The following CPZ variants were observed in gnomAD, a reference collection of about 807,000 sequenced individuals.
The protein encoded by CPZ is carboxypeptidase Z.
In CPZ, 103 loss-of-function variants were observed where a neutral mutation model predicts 61.8. The observed-to-expected ratio is 1.67, with a 90% CI of 1.42 to 1.96. The LOEUF (loss-of-function observed/expected upper bound fraction) is 1.96. CPZ is among the 30% of genes most tolerant of loss of function. The pLI is 0.00. For synonymous variants in CPZ, 551 were observed against 373.7 expected (o/e 1.47, Z -5.47); for missense variants, 1,461 against 914.9 (o/e 1.60, Z -7.70).
At chr4:8,599,533 G>T in intron 2 of CPZ, 48 bp downstream of exon 2, 1 of 1,609,030 alleles carries the variant, frequency 6.2e-7, no homozygotes, top group Non-Finnish European at 8.5e-7. Context: ...GAGGGCTGCA[G>T]CCCCCACACT....
At chr4:8,616,136 C>T (rs115595976) in intron 9 of CPZ, among the ~76,000 whole-genome samples, 2,641 of 152,322 alleles carry the variant, frequency 0.017, 89 homozygotes, top group African/African-American at 0.059. Flanking sequence ...GGCTGGGCAG[C>T]TCGCTGGCTG....
Position 8,612,153 on chromosome 4 carries a change from T to A in CPZ, c.1354T>A (p.Phe452Ile). 6.9e-7 allele frequency: 1 copy of A among 1,440,248 alleles called. No homozygotes were observed. The highest frequency in any genetic ancestry group is 1.5e-5 in the African/African-American group (1 of 66,872). 89.2% of individuals were successfully genotyped at this position (1,440,248 alleles called of 1,614,324 possible). The change falls in exon 8 of 11, where the codon TTC becomes ATC. Residue 452 changes from phenylalanine (F) to isoleucine (I), a missense_variant. Phe to Ile is a conservative substitution (Grantham distance 21). Transcript: ENST00000360986. Reference protein sequence around the residue: ...SIINGADWYSFTGGMSDFNYL... With the variant: ...SIINGADWYSITGGMSDFNYL... ...CATCAACGGGGCGGACTGGTACAGC[T>A]TCACGGGAGGTGCGGCTTCCGCAGG... is the stretch of plus-strand genomic sequence containing the variant.
chr4:8,608,135 T>TCCAGCCTCCAGCCC (rs1553877376), intron 7 of CPZ, among the ~76,000 whole-genome samples: 159 of 137,638 alleles, frequency 1.2e-3, no homozygotes, highest in African/African-American at 2.3e-3. Context: ...GGCCCCAGCC[T>TCCAGCCTCCAGCCC]CCAGCCCCCA....
At chr4:8,608,780 T>TGCAGG (rs142690595) in intron 7 of CPZ, among the ~76,000 whole-genome samples, 35,450 of 151,818 alleles carry the variant, frequency 0.23, 4,946 homozygotes, top group East Asian at 0.34. Flanking sequence ...GATTTCCAGC[T>TGCAGG]GCAGGGCAGG....
At chr4:8,615,959 A>C (rs184587583) in intron 9 of CPZ, among the ~76,000 whole-genome samples, 1 of 152,338 alleles carries the variant, frequency 6.6e-6, no homozygotes, top group East Asian at 1.9e-4. Context: ...ACCTGTGGCG[A>C]GTCCCATTCT....
At chr4:8,611,033 CTT>C (rs201383909) in intron 7 of CPZ, 18,008 of 366,314 alleles carry the variant, frequency 0.049, 760 homozygotes, top group South Asian at 0.12. Context: ...TTCCCTCACT[CTT>C]TCACTTGCTC....
chr4:8,612,061 T>C lies in CPZ; in HGVS notation c.1262T>C (p.Val421Ala). ...CTGCTGTCCAGAGCCTACGCTGACG[T>C]CCACCCCATGATGATGGACAGGTCG... ...FKLLSRAYAD[V>A]HPMMMDRSEN... Residue 421 changes from valine (V) to alanine (A), a missense_variant, in exon 8 of 11, where the codon GTC (valine) becomes GCC (alanine). Coordinates refer to ENST00000360986, the MANE Select transcript of CPZ (RefSeq NM_001014447.3). 5 of 1,613,872 alleles carry C rather than the reference T, an allele frequency of 3.1e-6. No homozygotes were observed. Among genetic ancestry groups the C allele is most frequent in the African/African-American group, 1.3e-5 (1 of 74,986 alleles).
In CPZ at chr4:8,604,010, G is replaced by A. The variant is rs1384550860; in HGVS notation, c.531G>A (p.Gly177=). The change falls in exon 4 of 11, where the codon GGG becomes GGA. Residue 177 remains glycine, a synonymous_variant. Transcript: ENST00000360986. ...GLEADEALPS[G]LPPTFIRFSH... is the part of the protein sequence containing the mutation. ...AGGCTGACGAGGCACTGCCCTCAGG[G>A]CTGCCGCCCACCTTCATCCGCTTCA... 1 of 1,611,944 alleles carries A rather than the reference G, an allele frequency of 6.2e-7. No homozygotes were observed. Among genetic ancestry groups the A allele is most frequent in the Non-Finnish European group, 8.5e-7 (1 of 1,179,822 alleles).
At chr4:8,614,288 G>A (rs1715969481) in intron 8 of CPZ, 71 bp from the exon 9 acceptor site, 1 of 1,509,698 alleles carries the variant, frequency 6.6e-7, no homozygotes, top group African/African-American at 1.5e-5. Context: ...CTGTGCGGCT[G>A]ACACCCCTGA....
rs1560292977 is a variant in CPZ, at chr4:8,604,052, C to T, written c.573C>T (p.Ala191=). ...TCCGCTTCAGCCACCACTCCTACGC[C>T]CAGATGGTGCGTGTGCTGAGGCGGA... is the stretch of plus-strand genomic sequence containing the variant. ...TFIRFSHHSY[A]QMVRVLRRTA... The change falls in exon 4 of 11, where the codon GCC becomes GCT. Residue 191 remains alanine (A), a synonymous_variant. Coordinates refer to ENST00000360986, the MANE Select transcript of CPZ (RefSeq NM_001014447.3). The T allele has an allele frequency of 1.2e-6, 2 of 1,612,102 alleles. No homozygotes were observed. Among genetic ancestry groups the T allele is most frequent in the Non-Finnish European group, 8.5e-7 (1 of 1,179,824 alleles).
At chr4:8,613,450 T>A (rs1050892207) in intron 8 of CPZ, among the ~76,000 whole-genome samples, 2 of 152,222 alleles carry the variant, frequency 1.3e-5, no homozygotes, top group Non-Finnish European at 2.9e-5. Flanking sequence ...TTGCCCCTGA[T>A]ACGGCCCTGG....
At chr4:8,599,786 T>A in intron 2 of CPZ, 1 of 476,870 alleles carries the variant, frequency 2.1e-6, no homozygotes. Flanking sequence ...CATTTGGGCC[T>A]TGTCCACATG....
chr4:8,611,364 C>G, intron 7 of CPZ: 1 of 437,558 alleles, frequency 2.3e-6, no homozygotes, highest in Non-Finnish European at 4.7e-6. Flanking sequence ...AAGCTCTGGG[C>G]TGGGAAGGGA....
In CPZ at chr4:8,605,322, T is replaced by TCATCCATCTATCCATC. The variant is rs1553876713; in HGVS notation, c.710-659_710-658insTATCCATCCATCCATC. Reference sequence around the variant, plus strand: ...TTCTTCCTATAGTCCATTCATTTATTCATCCATCCATCCATCCATCCATCC... The same window carrying TCATCCATCTATCCATC: ...TTCTTCCTATAGTCCATTCATTTATTCATCCATCTATCCATCCATCCATCCATCCATCCATCCATCC... On this transcript the variant is annotated intron_variant, in intron 4 of 10. Coordinates refer to ENST00000360986, the MANE Select transcript of CPZ (RefSeq NM_001014447.3). Among the ~76,000 whole-genome samples, 49 of 150,092 alleles carry TCATCCATCTATCCATC rather than the reference T, an allele frequency of 3.3e-4. 2 individuals carry two copies. The East Asian group carries it at 4.2e-3, about 13-fold the overall frequency.
At chr4:8,614,686 G>T (rs377044015) in intron 9 of CPZ, among the ~76,000 whole-genome samples, 188 bp downstream of exon 9, 1 of 152,176 alleles carries the variant, frequency 6.6e-6, no homozygotes, top group African/African-American at 2.4e-5. Flanking sequence ...TCTCCTTTGC[G>T]TGCTCTGTGG....
chr4:8,617,280 G>A (rs561244588), intron 9 of CPZ, among the ~76,000 whole-genome samples: 2 of 152,334 alleles, frequency 1.3e-5, no homozygotes, highest in African/African-American at 4.8e-5. Context: ...TGAGGAAACT[G>A]AGGCACCCAG....
intron 7 of CPZ, among the ~76,000 whole-genome samples, chr4:8,610,919 A>G (rs1454627948): frequency 1.3e-5 from 2 of 151,892 alleles, no homozygotes; most frequent in African/African-American, 4.8e-5. Context: ...TGGGAGTCCG[A>G]GTCTCATGAC....
chr4:8,609,072 C>CACT (rs113012911), intron 7 of CPZ, among the ~76,000 whole-genome samples: 4 of 112,324 alleles, frequency 3.6e-5, no homozygotes, highest in Non-Finnish European at 6.0e-5. Flanking sequence ...CCCTCACTCA[C>CACT]CACTCATACA....
chr4:8,609,097 CACTCACTCCCTT>C (rs1560297812), intron 7 of CPZ, among the ~76,000 whole-genome samples: 31 of 26,590 alleles, frequency 1.2e-3, no homozygotes, highest in Admixed American at 1.7e-3. Context: ...CCCATTCACT[CACTCACTCCCTT>C]CCTCACTCCC....
Sources: gnomAD v4.1 joint callset for allele counts (sites outside exome capture counted in the v4.1 genomes callset) on GRCh38, gnomAD v4.1.1 for gene constraint, MANE v1.5 for transcripts, NCBI Gene and HGNC (gene_info 2026-07-23, HGNC 2026-07-21) for gene names.